The following KCTD8 variants were observed in gnomAD, a reference collection of about 807,000 sequenced individuals.
KCTD8 encodes BTB/POZ domain-containing protein KCTD8.
In KCTD8, 27 loss-of-function variants were observed where a neutral mutation model predicts 31.5. The ratio of observed to expected loss-of-function variants is 0.86; its 90% CI spans 0.63 to 1.18. The LOEUF is 1.18. Among genes scored for constraint, KCTD8 ranks in the 50% most tolerant of loss-of-function variants. The pLI, the probability that KCTD8 is intolerant of heterozygous loss-of-function variation, is 0.00. For missense variants in KCTD8, 658 were observed against 647.7 expected (o/e 1.02, Z -0.17); for synonymous variants, 290 against 280.0 (o/e 1.04, Z -0.36).
chr4:44,324,664 G>A (rs996464910), intron 1 of KCTD8, among the ~76,000 whole-genome samples: 2 of 151,954 alleles, frequency 1.3e-5, no homozygotes, highest in Admixed American at 1.3e-4. Flanking sequence ...CCCTGAGGCT[G>A]ATGAATTTTT....
intron 1 of KCTD8, among the ~76,000 whole-genome samples, chr4:44,197,017 G>A (rs1363235136): frequency 1.3e-5 from 2 of 152,152 alleles, no homozygotes; most frequent in East Asian, 1.9e-4. Context: ...GGTGGAACTT[G>A]CTAGCTTGGG....
At chr4:44,258,836 C>A (rs1185752842) in intron 1 of KCTD8, among the ~76,000 whole-genome samples, 1 of 151,748 alleles carries the variant, frequency 6.6e-6, no homozygotes, top group African/African-American at 2.4e-5. Context: ...TAATAAAAAA[C>A]CACCACTTAA....
intron 1 of KCTD8, among the ~76,000 whole-genome samples, chr4:44,301,131 G>T (rs1262371442): frequency 2.6e-5 from 4 of 152,016 alleles, no homozygotes; most frequent in African/African-American, 7.3e-5. Context: ...GGACATTTGG[G>T]TTGGTTCCAA....
intron 1 of KCTD8, among the ~76,000 whole-genome samples, chr4:44,189,420 A>G (rs1391537746): frequency 8.0e-6 from 1 of 125,212 alleles, no homozygotes; most frequent in Non-Finnish European, 1.7e-5. Flanking sequence ...ATCAACCATT[A>G]TTGGAATAAC....
intron 1 of KCTD8, among the ~76,000 whole-genome samples, chr4:44,190,679 T>C (rs992971046): frequency 2.0e-5 from 3 of 152,120 alleles, no homozygotes; most frequent in African/African-American, 7.2e-5. Flanking sequence ...AGAATGAGAA[T>C]GCCCTTACAT....
chr4:44,340,995 A>C (rs1718883183), intron 1 of KCTD8, among the ~76,000 whole-genome samples: 1 of 152,072 alleles, frequency 6.6e-6, no homozygotes, highest in Admixed American at 6.6e-5. Flanking sequence ...TACCATGAAG[A>C]AAATTTAAAG....
intron 1 of KCTD8, among the ~76,000 whole-genome samples, chr4:44,336,173 A>AAAAAG (rs1560429422): frequency 7.2e-6 from 1 of 139,282 alleles, no homozygotes; most frequent in Non-Finnish European, 1.6e-5. Flanking sequence ...AAAAAAAAAA[A>AAAAAG]AAAGAAAAAA....
intron 1 of KCTD8, among the ~76,000 whole-genome samples, chr4:44,213,185 C>A (rs1714545775): frequency 6.6e-6 from 1 of 152,296 alleles, no homozygotes; most frequent in South Asian, 2.1e-4. Flanking sequence ...ATCCGCCTGC[C>A]TCGGCCTCCC....
At chr4:44,214,786 T>G (rs1714601352) in intron 1 of KCTD8, among the ~76,000 whole-genome samples, 1 of 152,198 alleles carries the variant, frequency 6.6e-6, no homozygotes, top group Admixed American at 6.5e-5. Flanking sequence ...CCTTCCTGCC[T>G]GAAGACAAGA....
At chr4:44,422,950 G>A (rs1577665950) in intron 1 of KCTD8, among the ~76,000 whole-genome samples, 1 of 152,136 alleles carries the variant, frequency 6.6e-6, no homozygotes, top group African/African-American at 2.4e-5. Flanking sequence ...AGAAGAGACT[G>A]ACCCTCCCAA....
intron 1 of KCTD8, among the ~76,000 whole-genome samples, chr4:44,243,943 C>T (rs1230826286): frequency 6.6e-6 from 1 of 152,200 alleles, no homozygotes; most frequent in Non-Finnish European, 1.5e-5. Context: ...TCCCAAAGAG[C>T]CTACTAATTC....
intron 1 of KCTD8, among the ~76,000 whole-genome samples, chr4:44,226,733 C>T (rs371206911): frequency 2.4e-4 from 36 of 152,316 alleles, no homozygotes; most frequent in African/African-American, 7.7e-4. Flanking sequence ...GACTGCCTTT[C>T]TAACTGGCAT....
intron 1 of KCTD8, among the ~76,000 whole-genome samples, chr4:44,446,494 T>G (rs940767138): frequency 6.6e-6 from 1 of 152,126 alleles, no homozygotes; most frequent in African/African-American, 2.4e-5. Flanking sequence ...TTTCACTTCA[T>G]AAACGCCACT....
intron 1 of KCTD8, among the ~76,000 whole-genome samples, chr4:44,253,230 A>G (rs996791743): frequency 1.3e-5 from 2 of 151,722 alleles, no homozygotes; most frequent in African/African-American, 4.8e-5. Flanking sequence ...TGTTTAATAA[A>G]TTTTATGAGT....
At chr4:44,340,679 CAAT>C (rs1476391921) in intron 1 of KCTD8, among the ~76,000 whole-genome samples, 1 of 151,972 alleles carries the variant, frequency 6.6e-6, no homozygotes, top group African/African-American at 2.4e-5. Flanking sequence ...TACTACTGAG[CAAT>C]AATAATAACT....
chr4:44,299,358 T>A (rs1717535678), intron 1 of KCTD8, among the ~76,000 whole-genome samples: 1 of 152,174 alleles, frequency 6.6e-6, no homozygotes, highest in African/African-American at 2.4e-5. Flanking sequence ...CATTCTAACA[T>A]AATGAAAATC....
chr4:44,411,438 T>C (rs1720954468), intron 1 of KCTD8, among the ~76,000 whole-genome samples: 1 of 151,226 alleles, frequency 6.6e-6, no homozygotes, highest in African/African-American at 2.4e-5. Flanking sequence ...AAGAGTTATA[T>C]TCATATAATC....
intron 1 of KCTD8, among the ~76,000 whole-genome samples, chr4:44,181,891 G>A (rs182480386): frequency 0.06 from 9,103 of 150,872 alleles, 317 homozygotes; most frequent in East Asian, 0.12. Context: ...GAGCCCCTCC[G>A]CCTGGCAGCC....
intron 1 of KCTD8, among the ~76,000 whole-genome samples, chr4:44,280,011 T>C (rs1395653291): frequency 6.6e-6 from 1 of 152,100 alleles, no homozygotes; most frequent in African/African-American, 2.4e-5. Context: ...CCTAAATCCT[T>C]GGCTTCTCAT....
Sources: allele counts gnomAD v4.1 joint callset (sites outside exome capture counted in the v4.1 genomes callset), GRCh38; gene constraint gnomAD v4.1.1; transcripts MANE v1.5; gene names NCBI Gene and HGNC (gene_info 2026-07-23, HGNC 2026-07-21).